HSPG2: variants seen among roughly 807,000 people sequenced by gnomAD.
HSPG2 encodes the protein basement membrane-specific heparan sulfate proteoglycan core protein.
Under a neutral mutation model 526.6 loss-of-function variants are expected in HSPG2, and 278 were observed. The observed-to-expected ratio is 0.53, with a 90% CI of 0.48 to 0.58. The LOEUF (loss-of-function observed/expected upper bound fraction) is 0.58. Among genes scored for constraint, HSPG2 ranks in the 20% least tolerant of loss-of-function variants. HSPG2 has a pLI of 0.00. For synonymous variants in HSPG2, 2,465 were observed against 2,555.4 expected (o/e 0.96, Z 1.07); for missense variants, 5,354 against 6,099.5 (o/e 0.88, Z 4.07).
In HSPG2 at chr1:21,833,357, G is replaced by T; in HGVS notation, c.11006C>A (p.Thr3669Asn). 6.2e-7 allele frequency: 1 copy of T among 1,614,176 alleles called. No individual in the cohort carries two copies. Among genetic ancestry groups the T allele is most frequent in the Non-Finnish European group, 8.5e-7 (1 of 1,180,018 alleles). The change falls in exon 80 of 97, where the codon ACC becomes AAC. Residue 3669 changes from threonine (T) to asparagine (N), a missense_variant. Coordinates refer to ENST00000374695, the MANE Select transcript of HSPG2 (RefSeq NM_005529.7). ...PERVVPYFTQTPYSFLPLPTI... is the reference protein window; with the variant it reads ...PERVVPYFTQNPYSFLPLPTI... ...GGGCAGCGGTAGGAAGGAGTAGGGG[G>T]TCTGCGTGAAGTAGGGCACCACCCG...
At chr1:21,851,274 GTACGTACCATTGT>G (rs1288817074) in intron 55 of HSPG2, 1 of 526,152 alleles carries the variant, frequency 1.9e-6, no homozygotes, top group Admixed American at 3.2e-5. Flanking sequence ...TGCCCGGCTG[GTACGTACCATTGT>G]TACCATTTTA....
At position 21,895,708 on chromosome 1, in the gene HSPG2, T is replaced by C. The variant is rs1642699748; in HGVS notation, c.244+214A>G. ...CCCAGTGCCCTGATACCTGTGCCTG[T>C]GGCATGGGCAAGCACAGGACCTGGC... On this transcript the variant is annotated intron_variant, in intron 3 of 96. Coordinates refer to ENST00000374695, the MANE Select transcript of HSPG2 (RefSeq NM_005529.7). The surrounding 1 kb of genome is among the most constrained non-coding windows in gnomAD (Gnocchi z 4.1). Among the ~76,000 whole-genome samples the C allele has an allele frequency of 6.6e-6, 1 of 152,194 alleles. No individual in the cohort carries two copies. Among genetic ancestry groups the C allele is most frequent in the Non-Finnish European group, 1.5e-5 (1 of 68,020 alleles).
In HSPG2 at chr1:21,853,082, G is replaced by GC. The variant is rs778446396; in HGVS notation, c.6440-13dup. The GC allele has an allele frequency of 6.2e-7, 1 of 1,613,512 alleles. No individual in the cohort carries two copies. The highest frequency in any genetic ancestry group is 2.2e-5 in the East Asian group (1 of 44,884). On this transcript the variant is annotated splice_polypyrimidine_tract_variant and intron_variant, in intron 50 of 96. Transcript: ENST00000374695. ...GGTGCTGCCGGGCACTGGACACAGA[G>GC]CGGCTGCTCAGAGGCCTGAACTCTT...
intron 65 of HSPG2, 120 bp from the exon 66 acceptor site, chr1:21,843,558 G>A (rs1000324865): frequency 6.9e-6 from 7 of 1,010,934 alleles, no homozygotes; most frequent in African/African-American, 4.9e-5. Flanking sequence ...TGTTGGAGGC[G>A]ACCCCTTTGA....
At chr1:21,891,402 C>T (rs369740320) in intron 3 of HSPG2, among the ~76,000 whole-genome samples, 79 of 152,320 alleles carry the variant, frequency 5.2e-4, no homozygotes, top group African/African-American at 1.8e-3. Flanking sequence ...TACTCAGATG[C>T]ATCACCTGGC....
At chr1:21,829,213 T>C in intron 87 of HSPG2, 134 bp from the exon 88 acceptor site, 1 of 1,411,354 alleles carries the variant, frequency 7.1e-7, no homozygotes. Flanking sequence ...AGCCCATGGC[T>C]CAGAGAGGGC....
At chr1:21,880,019 G>C in intron 17 of HSPG2, 88 bp downstream of exon 17, 1 of 1,461,620 alleles carries the variant, frequency 6.8e-7, no homozygotes, top group Non-Finnish European at 9.6e-7. Context: ...TCATTCTGGA[G>C]GCTTGTGCTG....
chr1:21,829,134 C>T lies in HSPG2; in HGVS notation c.11993-55G>A, dbSNP rs917837738. The T allele has an allele frequency of 4.0e-6, 6 of 1,516,580 alleles. No homozygotes were observed. The African/African-American group carries it at 6.9e-5, about 17-fold the overall frequency. 93.9% of individuals were successfully genotyped at this position (1,516,580 alleles called of 1,614,324 possible). A position where few individuals can be genotyped will look rare whatever the true frequency, so the allele number is the denominator to read the frequency against. ...CATGGGGGCACACGGGGCTCCCTGC[C>T]CTCTCCACCACAAACAGGGCCCTGA... On this transcript the variant is annotated intron_variant, in intron 87 of 96. Coordinates refer to ENST00000374695, the MANE Select transcript of HSPG2 (RefSeq NM_005529.7).
At chr1:21,875,570 C>G (rs548729443) in intron 25 of HSPG2, 59 bp downstream of exon 25, 3 of 1,297,106 alleles carry the variant, frequency 2.3e-6, no homozygotes, top group African/African-American at 2.9e-5. Flanking sequence ...TGTACTGCAC[C>G]GCTTAGATGG....
rs529974136 is a variant in HSPG2 at position 21,874,475 on chromosome 1, C to A, written c.3587G>T (p.Gly1196Val). 6.8e-6 allele frequency: 11 copies of A among 1,612,636 alleles called. No individual in the cohort carries two copies. In the South Asian group the frequency reaches 9.9e-5, roughly 15 times the overall value. ...CTGTGGTGTCCCCCGCTGGGCGTCC[C>A]CGTAGTATCCTGGCTGGCACTGCTC... ...RCEQCQPGYYGDAQRGTPQDC... is the reference protein window; with the variant it reads ...RCEQCQPGYYVDAQRGTPQDC... The change falls in exon 28 of 97, where the codon GGG (glycine) becomes GTG (valine). Residue 1196 changes from glycine to valine, a missense_variant. Gly to Val is a moderately radical substitution (Grantham distance 109). Transcript: ENST00000374695.
intron 71 of HSPG2, 39 bp downstream of exon 71, chr1:21,841,062 G>C (rs766591966): frequency 1.3e-6 from 2 of 1,558,480 alleles, no homozygotes; most frequent in East Asian, 2.4e-5. Context: ...CTGGGCCATG[G>C]ACTGGGCCTC....
At chr1:21,843,505 C>G in intron 65 of HSPG2, 67 bp from the exon 66 acceptor site, 1 of 1,534,860 alleles carries the variant, frequency 6.5e-7, no homozygotes, top group Non-Finnish European at 8.9e-7. Flanking sequence ...GCCTCTGGTA[C>G]CCACACCCTG....
At chr1:21,892,876 A>AAAAAAG (rs1642467668) in intron 3 of HSPG2, among the ~76,000 whole-genome samples, 1 of 151,020 alleles carries the variant, frequency 6.6e-6, no homozygotes, top group South Asian at 2.1e-4. Flanking sequence ...AAAAAAAAAA[A>AAAAAAG]AAAAGAAAAG....
chr1:21,833,745 G>T, intron 78 of HSPG2, 71 bp downstream of exon 78: 1 of 1,523,876 alleles, frequency 6.6e-7, no homozygotes, highest in Non-Finnish European at 9.0e-7. Flanking sequence ...CACATCCTGG[G>T]GACACTGAGA....
At position 21,893,874 on chromosome 1, in the gene HSPG2, G is replaced by GA. The variant is rs370998211; in HGVS notation, c.244+2047dup. Among the ~76,000 whole-genome samples the GA allele has an allele frequency of 4.0e-3, 519 of 129,176 alleles. 1 individual carries two copies. The highest frequency in any genetic ancestry group is 0.016 in the Middle Eastern group (4 of 258). The allele number at this position is 129,176 out of a possible 152,430, so 84.7% of individuals were successfully genotyped here. A position where few individuals can be genotyped will look rare whatever the true frequency, so the allele number is the denominator to read the frequency against. On this transcript the variant is annotated intron_variant, in intron 3 of 96. Transcript: ENST00000374695. This position sits in a 1 kb window ranked among gnomAD's most constrained non-coding sequence, Gnocchi z 4.3. ...GTGAAGAAAAAGGCAGAGGGAAAAA[G>GA]AAAAAAAAAAAAGAACAGGCAGAGG...
intron 16 of HSPG2, 36 bp from the exon 17 acceptor site, chr1:21,880,290 C>A: frequency 6.2e-7 from 1 of 1,614,036 alleles, no homozygotes; most frequent in Non-Finnish European, 8.5e-7. Flanking sequence ...GCTGCAAGGA[C>A]GGTGAGGCCC....
rs1422395165 is a variant in HSPG2, at chr1:21,872,416, C to T, written c.4030-39G>A. On this transcript the variant is annotated intron_variant, in intron 32 of 96. Coordinates refer to ENST00000374695, the MANE Select transcript of HSPG2 (RefSeq NM_005529.7). This position sits in a 1 kb window ranked among gnomAD's most constrained non-coding sequence, Gnocchi z 5.5. ...AAGGAGGGGGCGTCAGCCTGAGCACCGGGGTGCCTTGGTGGGGGATGGGGC... is the reference window on the plus strand; with the variant it reads ...AAGGAGGGGGCGTCAGCCTGAGCACTGGGGTGCCTTGGTGGGGGATGGGGC... 1.4e-5 allele frequency: 22 copies of T among 1,530,702 alleles called. No individual in the cohort carries two copies. The highest frequency in any genetic ancestry group is 2.4e-5 in the East Asian group (1 of 41,122). 94.8% of individuals were successfully genotyped at this position (1,530,702 alleles called of 1,614,324 possible). A position where few individuals can be genotyped will look rare whatever the true frequency, so the allele number is the denominator to read the frequency against.
chr1:21,836,999 G>A lies in HSPG2; in HGVS notation c.10158C>T (p.Pro3386=), dbSNP rs920218633. 51 of 1,549,962 alleles carry A rather than the reference G, an allele frequency of 3.3e-5. No homozygotes were observed. The highest frequency in any genetic ancestry group is 1.7e-4 in the Middle Eastern group (1 of 6,006). Residue 3386 remains proline, a synonymous_variant, in exon 75 of 97, where the codon CCC becomes CCT. Coordinates refer to ENST00000374695, the MANE Select transcript of HSPG2 (RefSeq NM_005529.7). ...AFAQLLVQGP[P]GSLPATSIPA... ...GGATGGAGGTGGCAGGGAGAGAGCC[G>A]GGAGGGCCTGCGGGGACATGTATGA...
rs916989214 is a variant in HSPG2 at position 21,926,130 on chromosome 1, C to T, written c.63+11025G>A. ...CAAGTGAGAATCTGGCCCCCAACTC[C>T]CCCTCCTGATGCCTCAGTTTCCTGC... On this transcript the variant is annotated intron_variant, in intron 1 of 96. Coordinates refer to ENST00000374695, the MANE Select transcript of HSPG2 (RefSeq NM_005529.7). Among the ~76,000 whole-genome samples the T allele has an allele frequency of 2.6e-5, 4 of 152,128 alleles. No individual in the cohort carries two copies. In the South Asian group the frequency reaches 8.3e-4, roughly 32 times the overall value.
Sources: gnomAD v4.1 joint callset for allele counts (sites outside exome capture counted in the v4.1 genomes callset) on GRCh38, gnomAD v4.1.1 for gene constraint, Gnocchi (gnomAD v3.1) non-coding constraint, MANE v1.5 for transcripts, NCBI Gene and HGNC (gene_info 2026-07-23, HGNC 2026-07-21) for gene names.